ADAM28: variants seen among roughly 807,000 people sequenced by gnomAD.
The protein encoded by ADAM28 is disintegrin and metalloproteinase domain-containing protein 28.
ADAM28 carries 105 observed loss-of-function variants against 101.2 expected under a neutral mutation model. The ratio of observed to expected loss-of-function variants is 1.04; its 90% confidence interval spans 0.89 to 1.22. The LOEUF (loss-of-function observed/expected upper bound fraction) is 1.22. Among genes scored for constraint, ADAM28 ranks in the 50% most tolerant of loss-of-function variants. The pLI is 0.00. For missense variants in ADAM28, 1,028 were observed against 945.4 expected (o/e 1.09, Z -1.15); for synonymous variants, 322 against 310.6 (o/e 1.04, Z -0.39).
intron 2 of ADAM28, among the ~76,000 whole-genome samples, chr8:24,307,779 C>G (rs922594968): frequency 1.3e-5 from 2 of 152,080 alleles, no homozygotes; most frequent in East Asian, 3.9e-4. Flanking sequence ...TCTTAGAGGC[C>G]CAAACCATCT....
At position 24,351,235 on chromosome 8, in the gene ADAM28, A is replaced by G. The variant is rs745992794; in HGVS notation, c.2103A>G (p.Pro701=). ...ATCATGTGTTTCTCTCTTACAGGCCACTATCTACCACTGGCACCAGGCCAC... is the reference window on the plus strand; with the variant it reads ...ATCATGTGTTTCTCTCTTACAGGCCGCTATCTACCACTGGCACCAGGCCAC... The part of the protein sequence containing the change: ...SREKQKKDQR[P]LSTTGTRPHK... Residue 701 remains proline, a synonymous_variant, in exon 20 of 23, where the codon CCA becomes CCG. Transcript: ENST00000265769. 3.1e-6 allele frequency: 5 copies of G among 1,591,680 alleles called. No homozygotes were observed. The highest frequency in any genetic ancestry group is 4.3e-6 in the Non-Finnish European group (5 of 1,170,628).
intron 7 of ADAM28, 62 bp from the exon 8 acceptor site, chr8:24,321,156 T>C (rs917663537): frequency 1.9e-6 from 2 of 1,044,926 alleles, no homozygotes; most frequent in Admixed American, 1.8e-5. Context: ...AGATGCCTTT[T>C]TAACCTTCCA....
intron 2 of ADAM28, chr8:24,308,831 T>C (rs914603455): frequency 1.3e-4 from 51 of 389,406 alleles, no homozygotes; most frequent in African/African-American, 1.0e-3. Context: ...CATGATCTGA[T>C]GATTCTAACA....
intron 13 of ADAM28, among the ~76,000 whole-genome samples, chr8:24,334,133 A>T (rs550467069): frequency 2.0e-5 from 3 of 152,232 alleles, no homozygotes; most frequent in African/African-American, 7.2e-5. Flanking sequence ...TAGGTAAAAA[A>T]GTATCCAGTT....
intron 9 of ADAM28, among the ~76,000 whole-genome samples, chr8:24,325,889 A>AAAAAAAAAAAAAAAAAAAAAAC (rs1563297002): frequency 1.4e-5 from 2 of 141,924 alleles, no homozygotes; most frequent in African/African-American, 5.6e-5. Flanking sequence ...AAAAAAAAAA[A>AAAAAAAAAAAAAAAAAAAAAAC]AAAAAAAAAA....
At chr8:24,312,585 T>C (rs1810614980) in intron 5 of ADAM28, among the ~76,000 whole-genome samples, 1 of 151,968 alleles carries the variant, frequency 6.6e-6, no homozygotes, top group African/African-American at 2.4e-5. Flanking sequence ...TAATTCAGTC[T>C]GTCTATTATA....
intron 9 of ADAM28, 107 bp downstream of exon 9, chr8:24,324,110 C>T (rs1047059613): frequency 8.1e-6 from 8 of 983,690 alleles, no homozygotes; most frequent in Admixed American, 2.6e-5. Context: ...ATTTATAGAG[C>T]ACTTACTTGG....
In ADAM28 at chr8:24,358,853, C is replaced by T. The variant is rs928048426; in HGVS notation, c.*4449C>T. ...CCTTCACCTCATATTAAAGTCCATA[C>T]TCTTGGGATATATCTGACATCTCAA... On this transcript the variant is annotated 3_prime_UTR_variant, in exon 23 of 23. Transcript: ENST00000265769. 2 of 152,176 alleles carry T rather than the reference C, an allele frequency of 1.3e-5. No homozygotes were observed. Among genetic ancestry groups the T allele is most frequent in the Non-Finnish European group, 2.9e-5 (2 of 68,026 alleles). 9.4% of individuals were successfully genotyped at this position (152,176 alleles called of 1,614,324 possible).
At chr8:24,347,045 T>G (rs1370666963) in intron 18 of ADAM28, 1 of 152,092 alleles carries the variant, frequency 6.6e-6, no homozygotes, top group Non-Finnish European at 1.5e-5. Context: ...ATGTATGAAA[T>G]TTTTCTATGC....
chr8:24,345,378 T>G (rs1815286418), intron 18 of ADAM28, among the ~76,000 whole-genome samples: 1 of 152,090 alleles, frequency 6.6e-6, no homozygotes, highest in South Asian at 2.1e-4. Context: ...TATTCCATAT[T>G]GGGTCATTTT....
At chr8:24,328,921 C>CAA (rs36091498) in intron 10 of ADAM28, among the ~76,000 whole-genome samples, 352 of 135,566 alleles carry the variant, frequency 2.6e-3, no homozygotes, top group East Asian at 4.2e-3. Context: ...GACACAGTCT[C>CAA]AAAAAAAAAA....
At chr8:24,311,484 A>G (rs1053058461) in intron 5 of ADAM28, 47 bp downstream of exon 5, 2 of 1,513,254 alleles carry the variant, frequency 1.3e-6, no homozygotes, top group Middle Eastern at 1.7e-4. Flanking sequence ...TGTGGTATTT[A>G]TGTATGTATC....
intron 2 of ADAM28, 127 bp downstream of exon 2, chr8:24,300,204 A>G (rs1808535925): frequency 1.5e-6 from 1 of 652,076 alleles, no homozygotes; most frequent in Non-Finnish European, 2.4e-6. Context: ...GTGTGTGTGT[A>G]TGTGTGTGCC....
intron 9 of ADAM28, among the ~76,000 whole-genome samples, chr8:24,324,798 T>G (rs761387266): frequency 5.9e-5 from 9 of 151,988 alleles, no homozygotes; most frequent in Non-Finnish European, 1.2e-4. Context: ...GTGCCTAACT[T>G]GAGTTTCCTT....
rs1364169412 is a variant in ADAM28 at position 24,347,746 on chromosome 8, GTATCATGATGAAATGGTGCTGTGTCTATC to G, written c.1991-2115_1991-2087del. On this transcript the variant is annotated intron_variant, in intron 18 of 22. Transcript: ENST00000265769. ...TGCTTCTTCCAAATTAATGAACAGTGTATCATGATGAAATGGTGCTGTGTCTATCTAGTACACTTCTTACCTTTGAGAAT... is the reference window on the plus strand; with the variant it reads ...TGCTTCTTCCAAATTAATGAACAGTGTAGTACACTTCTTACCTTTGAGAAT... 3.3e-5 allele frequency among the ~76,000 whole-genome samples: 5 copies of G among 152,056 alleles called. No individual in the cohort carries two copies. In the East Asian group the frequency reaches 9.7e-4, roughly 29 times the overall value.
chr8:24,331,112 A>C, intron 11 of ADAM28, 38 bp from the exon 12 acceptor site: 1 of 1,569,480 alleles, frequency 6.4e-7, no homozygotes, highest in Non-Finnish European at 8.6e-7. Context: ...CATGTTAAGC[A>C]TGACTATATT....
In ADAM28 at chr8:24,321,155, T is replaced by C. The variant is rs923896187; in HGVS notation, c.649-63T>C. ...TAAGTAATATAAGAGAAGATGCCTT[T>C]TTAACCTTCCAAGTATATTCATTTT... is the stretch of plus-strand genomic sequence containing the variant. On this transcript the variant is annotated intron_variant, in intron 7 of 22. Coordinates refer to ENST00000265769, the MANE Select transcript of ADAM28 (RefSeq NM_014265.6). 101 of 1,038,742 alleles carry C rather than the reference T, an allele frequency of 9.7e-5. No individual in the cohort carries two copies. In the Admixed American group the frequency reaches 1.0e-3, roughly 11 times the overall value. The allele number at this position is 1,038,742 out of a possible 1,614,324, so 64.3% of individuals were successfully genotyped here.
chr8:24,343,085 T>G lies in ADAM28; in HGVS notation c.1831-16T>G. ...TCAGAGAAGATGAAGCTTCATGTTTTCTACATCACTTTCAGGTTTGCATTA... is the reference window on the plus strand; with the variant it reads ...TCAGAGAAGATGAAGCTTCATGTTTGCTACATCACTTTCAGGTTTGCATTA... On this transcript the variant is annotated splice_polypyrimidine_tract_variant and intron_variant, in intron 16 of 22. Coordinates refer to ENST00000265769, the MANE Select transcript of ADAM28 (RefSeq NM_014265.6). The G allele has an allele frequency of 6.2e-7, 1 of 1,613,594 alleles. No individual in the cohort carries two copies.
chr8:24,309,703 A>G (rs951107145), intron 2 of ADAM28, among the ~76,000 whole-genome samples, 191 bp from the exon 3 acceptor site: 2 of 152,182 alleles, frequency 1.3e-5, no homozygotes, highest in African/African-American at 4.8e-5. Context: ...GGGTGGATGG[A>G]TAAAAGGCTC....
Sources: allele counts gnomAD v4.1 joint callset (sites outside exome capture counted in the v4.1 genomes callset), GRCh38; gene constraint gnomAD v4.1.1; transcripts MANE v1.5; gene names NCBI Gene and HGNC (gene_info 2026-07-23, HGNC 2026-07-21).